Variants in MLLT10 observed in about 807,000 individuals in gnomAD.
MLLT10 encodes MLLT10 histone lysine methyltransferase DOT1L cofactor.
A neutral mutation model predicts 129.1 loss-of-function variants in MLLT10; 30 were observed. The ratio of observed to expected loss-of-function variants is 0.23; its 90% CI spans 0.17 to 0.32. The LOEUF is 0.32. Among genes scored for constraint, MLLT10 ranks in the 10% least tolerant of loss-of-function variants. MLLT10 has a pLI of 1.00. For synonymous variants in MLLT10, 490 were observed against 446.4 expected (o/e 1.10, Z -1.23); for missense variants, 1,119 against 1,268.3 (o/e 0.88, Z 1.79).
At chr10:21,571,552 A>G (rs1296292868) in intron 3 of MLLT10, among the ~76,000 whole-genome samples, 1 of 152,204 alleles carries the variant, frequency 6.6e-6, no homozygotes, top group Non-Finnish European at 1.5e-5. Flanking sequence ...TTGCTTGTCC[A>G]ATATCTTCAG....
At position 21,661,328 on chromosome 10, in the gene MLLT10, G is replaced by C. The variant is rs116130982; in HGVS notation, c.796-9121G>C. Among the ~76,000 whole-genome samples, 823 of 152,278 alleles carry C rather than the reference G, an allele frequency of 5.4e-3. 5 individuals are homozygous for C. The highest frequency in any genetic ancestry group is 0.019 in the African/African-American group (770 of 41,560). On this transcript the variant is annotated intron_variant, in intron 9 of 22. Coordinates refer to ENST00000307729, the MANE Select transcript of MLLT10 (RefSeq NM_001195626.3). ...GTCAATTATATACAGTTGATTGATA[G>C]TACTGTTGAGCTCAACTGTGTCCTT...
intron 13 of MLLT10, among the ~76,000 whole-genome samples, chr10:21,701,585 A>G (rs1373285564): frequency 2.6e-5 from 4 of 151,974 alleles, no homozygotes; most frequent in African/African-American, 9.7e-5. Context: ...TTGTGTTATT[A>G]AAAATATATA....
chr10:21,556,800 C>A (rs781190832), intron 3 of MLLT10: 6 of 1,579,526 alleles, frequency 3.8e-6, no homozygotes, highest in Non-Finnish European at 5.2e-6. Flanking sequence ...GCTTGTCTTA[C>A]TACAGCAGCT....
intron 3 of MLLT10, among the ~76,000 whole-genome samples, chr10:21,560,960 C>G (rs182851133): frequency 1.3e-5 from 2 of 152,256 alleles, no homozygotes. Flanking sequence ...TTATCTACTT[C>G]TAGATCCTAG....
rs776367027 is a variant in MLLT10 at position 21,534,659 on chromosome 10, C to A, written c.15C>A (p.Asp5Glu). 6.2e-7 allele frequency: 1 copy of A among 1,609,938 alleles called. No individual in the cohort carries two copies. Among genetic ancestry groups the A allele is most frequent in the Non-Finnish European group, 8.5e-7 (1 of 1,177,798 alleles). Reference sequence around the variant, plus strand: ...CTCCCTCTTAGATGGTCTCTAGCGACCGGCCCGTGTCACTGGAGGACGAGG... The same window carrying A: ...CTCCCTCTTAGATGGTCTCTAGCGAACGGCCCGTGTCACTGGAGGACGAGG... Reference protein sequence around the residue: MVSSDRPVSLEDEVS... With the variant: MVSSERPVSLEDEVS... Residue 5 changes from aspartate (D) to glutamate (E), a missense_variant, in exon 2 of 23, where the codon GAC becomes GAA. Transcript: ENST00000307729.
chr10:21,691,833 C>T (rs1212817141), intron 13 of MLLT10, among the ~76,000 whole-genome samples: 4 of 151,870 alleles, frequency 2.6e-5, no homozygotes, highest in African/African-American at 9.7e-5. Flanking sequence ...ATGAAGAAAA[C>T]TTCCTAGAAA....
At chr10:21,686,704 C>T (rs1169291017) in intron 13 of MLLT10, among the ~76,000 whole-genome samples, 4 of 152,168 alleles carry the variant, frequency 2.6e-5, no homozygotes, top group East Asian at 1.9e-4. Context: ...TCCTTGGGGC[C>T]GTGCATGGTG....
Position 21,708,752 on chromosome 10 carries a change from A to G in MLLT10, c.1700-5020A>G. ...TTTGCTTCTCAATATTATTCTTCCA[A>G]GATGTTTTACTGCATGTTGTGATGG... On this transcript the variant is annotated intron_variant, in intron 13 of 22. Coordinates refer to ENST00000307729, the MANE Select transcript of MLLT10 (RefSeq NM_001195626.3). 4.1e-6 allele frequency: 4 copies of G among 985,218 alleles called. No homozygotes were observed. In the South Asian group the frequency reaches 1.9e-4, roughly 46 times the overall value. The allele number at this position is 985,218 out of a possible 1,614,324, so 61.0% of individuals were successfully genotyped here.
chr10:21,551,573 T>C (rs1408484537), intron 3 of MLLT10, among the ~76,000 whole-genome samples: 2 of 151,982 alleles, frequency 1.3e-5, no homozygotes, highest in Non-Finnish European at 2.9e-5. Context: ...GTTTCTTGAA[T>C]TCCTTTTCCT....
At position 21,673,434 on chromosome 10, in the gene MLLT10, A is replaced by G. The variant is rs771248108; in HGVS notation, c.1136A>G (p.Asp379Gly). 3.0e-5 allele frequency: 48 copies of G among 1,611,984 alleles called. No homozygotes were observed. Among genetic ancestry groups the G allele is most frequent in the Non-Finnish European group, 3.9e-5 (46 of 1,179,664 alleles). The change falls in exon 11 of 23, where the codon GAC (aspartate) becomes GGC (glycine). Residue 379 changes from aspartate (D) to glycine (G), a missense_variant. By Grantham distance (94) the Asp-to-Gly change is moderately conservative. Transcript: ENST00000307729. ...QSPQDFLSFT[D>G]SDLRNDSYSH... ...CCCCAGGATTTCCTGAGCTTTACAG[A>G]CTCAGATCTGCGTAATGACAGTTAC...
intron 7 of MLLT10, among the ~76,000 whole-genome samples, chr10:21,616,590 ATT>A (rs1048484160): frequency 6.6e-6 from 1 of 151,854 alleles, no homozygotes; most frequent in Non-Finnish European, 1.5e-5. Context: ...TAATTTTTTA[ATT>A]TTTTTCTTTA....
chr10:21,582,740 T>A (rs1163547253), intron 3 of MLLT10, among the ~76,000 whole-genome samples: 1 of 152,096 alleles, frequency 6.6e-6, no homozygotes, highest in Non-Finnish European at 1.5e-5. Flanking sequence ...AAAGTGAGAT[T>A]AGGGAGTGAG....
chr10:21,568,797 C>T (rs575944473), intron 3 of MLLT10, among the ~76,000 whole-genome samples: 43 of 152,206 alleles, frequency 2.8e-4, no homozygotes, highest in Middle Eastern at 3.4e-3. Flanking sequence ...CTACCATGCC[C>T]GGCTAATGTT....
chr10:21,618,771 C>T (rs954090130), intron 8 of MLLT10, among the ~76,000 whole-genome samples: 7 of 151,414 alleles, frequency 4.6e-5, no homozygotes, highest in Non-Finnish European at 8.8e-5. Flanking sequence ...GTAACTCTGT[C>T]GCCCAGGCTA....
At chr10:21,686,728 A>G (rs1024750619) in intron 13 of MLLT10, among the ~76,000 whole-genome samples, 11 of 152,164 alleles carry the variant, frequency 7.2e-5, no homozygotes, top group African/African-American at 2.2e-4. Context: ...CATGCCTGCA[A>G]TCCCAGCACT....
intron 8 of MLLT10, among the ~76,000 whole-genome samples, chr10:21,642,370 G>C (rs1009039861): frequency 2.1e-5 from 3 of 143,846 alleles, no homozygotes; most frequent in Non-Finnish European, 4.6e-5. Flanking sequence ...AAAATACGAA[G>C]AAGTAGCCGG....
chr10:21,678,801 T>C (rs956880131), intron 11 of MLLT10, among the ~76,000 whole-genome samples: 24 of 152,306 alleles, frequency 1.6e-4, no homozygotes, highest in African/African-American at 5.8e-4. Flanking sequence ...CTTATTTGAG[T>C]ACGTTTAAGT....
chr10:21,656,224 C>G (rs905311762), intron 9 of MLLT10, among the ~76,000 whole-genome samples: 1 of 152,114 alleles, frequency 6.6e-6, no homozygotes, highest in Non-Finnish European at 1.5e-5. Flanking sequence ...CTTATCTTCT[C>G]TTGATGGAAA....
intron 13 of MLLT10, among the ~76,000 whole-genome samples, chr10:21,704,766 G>A (rs995832676): frequency 1.3e-5 from 2 of 152,096 alleles, no homozygotes; most frequent in Non-Finnish European, 2.9e-5. Context: ...GGTAGGCACC[G>A]TAGTTGTGAT....
Sources: gnomAD v4.1 joint callset for allele counts (sites outside exome capture counted in the v4.1 genomes callset) on GRCh38, gnomAD v4.1.1 for gene constraint, MANE v1.5 for transcripts, NCBI Gene and HGNC (gene_info 2026-07-23, HGNC 2026-07-21) for gene names.